The following DDAH1 variants were observed in gnomAD, a reference collection of about 807,000 sequenced individuals.
DDAH1 encodes the protein N(G),N(G)-dimethylarginine dimethylaminohydrolase 1.
Under a neutral mutation model 28.8 loss-of-function variants are expected in DDAH1, and 19 were observed. That is an observed-to-expected ratio of 0.66 (90% confidence interval 0.46 to 0.97). The LOEUF is 0.97. DDAH1 is among the 50% of genes least tolerant of loss of function. The pLI is 0.00. For synonymous variants in DDAH1, 153 were observed against 154.4 expected (o/e 0.99, Z 0.07); for missense variants, 326 against 375.9 (o/e 0.87, Z 1.10).
At chr1:85,529,290 C>T (rs535513726) in intron 1 of DDAH1, among the ~76,000 whole-genome samples, 1 of 152,068 alleles carries the variant, frequency 6.6e-6, no homozygotes, top group African/African-American at 2.4e-5. Context: ...CAACTTAACA[C>T]GTATGGTTTA....
chr1:85,468,779 A>G (rs891841188), upstream of DDAH1, among the ~76,000 whole-genome samples: 16 of 152,052 alleles, frequency 1.1e-4, no homozygotes, highest in African/African-American at 3.9e-4. Context: ...CGGCCTCCCA[A>G]AGTGCTGGGA....
chr1:85,407,543 A>G (rs531546244), intron 1 of DDAH1, among the ~76,000 whole-genome samples: 1 of 152,332 alleles, frequency 6.6e-6, no homozygotes, highest in South Asian at 2.1e-4. Context: ...CAATCGATAG[A>G]TTATTATTTT....
Position 85,481,541 on chromosome 1 carries a change from A to G in DDAH1, c.-7+14625T>C, listed in dbSNP as rs1245354527. 3.3e-5 allele frequency among the ~76,000 whole-genome samples: 5 copies of G among 152,368 alleles called. No individual in the cohort carries two copies. In the East Asian group the frequency reaches 7.7e-4, roughly 23 times the overall value. On this transcript the variant is annotated intron_variant, in intron 2 of 6. Coordinates refer to the DDAH1 transcript ENST00000426972. Reference sequence around the variant, plus strand: ...TGTGAATGATATCACTTAATATTATACCACCACCAATGATTTCTCAAAAAT... The same window carrying G: ...TGTGAATGATATCACTTAATATTATGCCACCACCAATGATTTCTCAAAAAT...
intron 1 of DDAH1, among the ~76,000 whole-genome samples, chr1:85,363,235 T>C (rs1649885773): frequency 6.6e-6 from 1 of 152,200 alleles, no homozygotes; most frequent in South Asian, 2.1e-4. Flanking sequence ...CCTTAAAGAA[T>C]ATGCACCAAT....
At chr1:85,459,818 T>C (rs1473193650) in intron 1 of DDAH1, among the ~76,000 whole-genome samples, 1 of 152,202 alleles carries the variant, frequency 6.6e-6, no homozygotes, top group Non-Finnish European at 1.5e-5. Flanking sequence ...TAAACTAAAG[T>C]GAAAACAACA....
At chr1:85,481,100 T>TTTG (rs1553140279) in intron 2 of DDAH1, among the ~76,000 whole-genome samples, 14 of 139,684 alleles carry the variant, frequency 1.0e-4, no homozygotes, top group Non-Finnish European at 1.8e-4. Flanking sequence ...GGTTTTTTGT[T>TTTG]TTTTTTTTTT....
At chr1:85,495,240 A>G (rs1028231558) in intron 2 of DDAH1, 1 of 151,678 alleles carries the variant, frequency 6.6e-6, no homozygotes, top group Admixed American at 6.6e-5. Flanking sequence ...GGAATTTACA[A>G]TCTGGCTTGG....
intron 2 of DDAH1, among the ~76,000 whole-genome samples, chr1:85,356,069 A>T (rs1570424116): frequency 6.6e-6 from 1 of 152,132 alleles, no homozygotes; most frequent in Non-Finnish European, 1.5e-5. Context: ...TTGACTGGGG[A>T]CCCCACAGGG....
chr1:85,426,714 C>T (rs1370502404), intron 1 of DDAH1, among the ~76,000 whole-genome samples: 1 of 151,796 alleles, frequency 6.6e-6, no homozygotes, highest in Non-Finnish European at 1.5e-5. Flanking sequence ...TCGAGACCAG[C>T]CTGGGCAACA....
chr1:85,466,632 A>T (rs1655391607), upstream of DDAH1, among the ~76,000 whole-genome samples: 1 of 152,030 alleles, frequency 6.6e-6, no homozygotes, highest in Non-Finnish European at 1.5e-5. Context: ...TTTAAGACCG[A>T]CTAGGTAGTA....
intron 2 of DDAH1, among the ~76,000 whole-genome samples, chr1:85,487,711 G>A (rs897091922): frequency 6.6e-6 from 1 of 151,922 alleles, no homozygotes; most frequent in African/African-American, 2.4e-5. Context: ...TTCTCTATCT[G>A]CCTATCTCCA....
chr1:85,557,482 A>G (rs1171945770), intron 1 of DDAH1, among the ~76,000 whole-genome samples: 1 of 152,260 alleles, frequency 6.6e-6, no homozygotes, highest in Non-Finnish European at 1.5e-5. Flanking sequence ...AAAGTTGGAC[A>G]GCTCTTAAGT....
At chr1:85,442,659 T>C (rs1368184574) in intron 1 of DDAH1, among the ~76,000 whole-genome samples, 3 of 152,214 alleles carry the variant, frequency 2.0e-5, no homozygotes, top group African/African-American at 7.2e-5. Flanking sequence ...TGTAAAAGTG[T>C]TCCTATTTCT....
At chr1:85,389,913 A>G (rs1651463174) in intron 1 of DDAH1, among the ~76,000 whole-genome samples, 1 of 152,226 alleles carries the variant, frequency 6.6e-6, no homozygotes, top group East Asian at 1.9e-4. Flanking sequence ...TGCTAATGTA[A>G]TTCAGTGATA....
At chr1:85,333,174 C>T (rs1306079790) in intron 4 of DDAH1, among the ~76,000 whole-genome samples, 22 of 152,230 alleles carry the variant, frequency 1.4e-4, no homozygotes, top group Non-Finnish European at 2.6e-4. Flanking sequence ...ATAATCTCTA[C>T]TAACAACGGC....
At chr1:85,426,921 CAA>C (rs10680800) in intron 1 of DDAH1, among the ~76,000 whole-genome samples, 14 of 120,440 alleles carry the variant, frequency 1.2e-4, no homozygotes, top group African/African-American at 3.8e-4. Context: ...TTAAAAAAAA[CAA>C]AAAAAAAAAA....
At position 85,341,800 on chromosome 1, in the gene DDAH1, G is replaced by A. The variant is rs145827257; in HGVS notation, c.597+8615C>T. ...TGCACTCCAGCCTGGGTGACAGAGCGAGACTCTGTCTCAAAAACAAAAACA... is the reference window on the plus strand; with the variant it reads ...TGCACTCCAGCCTGGGTGACAGAGCAAGACTCTGTCTCAAAAACAAAAACA... On this transcript the variant is annotated intron_variant, in intron 4 of 5. Transcript: ENST00000284031. Among the ~76,000 whole-genome samples the A allele has an allele frequency of 8.0e-3, 1,214 of 152,006 alleles. 8 individuals carry two copies. The highest frequency in any genetic ancestry group is 0.028 in the African/African-American group (1,156 of 41,470).
chr1:85,546,131 CAA>C (rs111839145), intron 1 of DDAH1, among the ~76,000 whole-genome samples: 1 of 136,184 alleles, frequency 7.3e-6, no homozygotes. Flanking sequence ...AATGTGTCTC[CAA>C]AAAAAAAAAA....
intron 1 of DDAH1, among the ~76,000 whole-genome samples, chr1:85,503,565 C>CTATCTATCTATCTATA (rs1403605064): frequency 1.3e-5 from 2 of 151,916 alleles, no homozygotes. Flanking sequence ...ATCTATCTAT[C>CTATCTATCTATCTATA]TATCCATCTA....
Sources: allele counts gnomAD v4.1 joint callset (sites outside exome capture counted in the v4.1 genomes callset), GRCh38; gene constraint gnomAD v4.1.1; transcripts MANE v1.5; gene names NCBI Gene and HGNC (gene_info 2026-07-23, HGNC 2026-07-21).